Variants in SEPTIN14 observed in about 807,000 individuals in gnomAD.
SEPTIN14 encodes septin-14.
A neutral mutation model predicts 53.6 loss-of-function variants in SEPTIN14; 40 were observed. The ratio of observed to expected loss-of-function variants is 0.75; its 90% CI spans 0.58 to 0.97. The LOEUF (loss-of-function observed/expected upper bound fraction) is 0.97. Ranked by LOEUF, SEPTIN14 falls within the 50% of genes least tolerant of loss-of-function variation. The pLI, the probability that SEPTIN14 is intolerant of heterozygous loss-of-function variation, is 0.00. For missense variants in SEPTIN14, 471 were observed against 508.2 expected (o/e 0.93, Z 0.70); for synonymous variants, 138 against 166.8 (o/e 0.83, Z 1.33).
In SEPTIN14 at chr7:55,795,624, A is replaced by C. The variant is rs933870708; in HGVS notation, c.*289T>G. 2.9e-6 allele frequency: 1 copy of C among 347,022 alleles called. No individual in the cohort carries two copies. The highest frequency in any genetic ancestry group is 5.4e-6 in the Non-Finnish European group (1 of 185,868). 21.5% of individuals were successfully genotyped at this position (347,022 alleles called of 1,614,324 possible). A position where few individuals can be genotyped will look rare whatever the true frequency, so the allele number is the denominator to read the frequency against. ...CTGGGATTACAGGTACCGGCCACCA[A>C]ACCCAGCTAATTTTTGTATTTTTAG... On this transcript the variant is annotated 3_prime_UTR_variant, in exon 10 of 10. Coordinates refer to ENST00000388975, the MANE Select transcript of SEPTIN14 (RefSeq NM_207366.3).
At chr7:55,842,256 C>T (rs1789325523) in intron 5 of SEPTIN14, among the ~76,000 whole-genome samples, 1 of 152,022 alleles carries the variant, frequency 6.6e-6, no homozygotes, top group African/African-American at 2.4e-5. Context: ...TATGTAACTA[C>T]ACTTGCATGC....
chr7:55,829,229 A>G (rs993455769), intron 6 of SEPTIN14, among the ~76,000 whole-genome samples: 1 of 151,860 alleles, frequency 6.6e-6, no homozygotes, highest in African/African-American at 2.4e-5. Flanking sequence ...AATACAAAAA[A>G]TCAGCTGTGC....
At chr7:55,810,290 A>G (rs1201747187) in intron 7 of SEPTIN14, among the ~76,000 whole-genome samples, 1 of 151,148 alleles carries the variant, frequency 6.6e-6, no homozygotes. Flanking sequence ...TCCTTTGCCC[A>G]TTTTTCCTTG....
intron 6 of SEPTIN14, among the ~76,000 whole-genome samples, chr7:55,825,274 T>C (rs975384855): frequency 6.6e-6 from 1 of 152,118 alleles, no homozygotes; most frequent in African/African-American, 2.4e-5. Flanking sequence ...ATTCCAACTA[T>C]GTGATATTCC....
intron 4 of SEPTIN14, among the ~76,000 whole-genome samples, chr7:55,843,839 G>C (rs1789357305): frequency 6.6e-6 from 1 of 151,870 alleles, no homozygotes; most frequent in East Asian, 1.9e-4. Context: ...CTCAAAAAAA[G>C]ACAAAAAATA....
chr7:55,847,165 A>C (rs1789429523), intron 2 of SEPTIN14, among the ~76,000 whole-genome samples: 2 of 152,098 alleles, frequency 1.3e-5, no homozygotes, highest in South Asian at 4.1e-4. Context: ...GCAAGAGCAC[A>C]CCACTGCACT....
intron 2 of SEPTIN14, among the ~76,000 whole-genome samples, chr7:55,854,720 A>G (rs1328630317): frequency 2.0e-5 from 3 of 151,778 alleles, no homozygotes; most frequent in Non-Finnish European, 4.4e-5. Context: ...GAGCTACCAC[A>G]CCCGGCCTGT....
chr7:55,818,546 G>A (rs1788834729), intron 7 of SEPTIN14, among the ~76,000 whole-genome samples: 1 of 149,180 alleles, frequency 6.7e-6, no homozygotes, highest in Non-Finnish European at 1.5e-5. Flanking sequence ...ATAATTATAT[G>A]AACCACAAGT....
intron 6 of SEPTIN14, among the ~76,000 whole-genome samples, chr7:55,821,132 AG>A (rs1788886943): frequency 6.6e-6 from 1 of 152,122 alleles, no homozygotes; most frequent in African/African-American, 2.4e-5. Context: ...GTCCTTGGCA[AG>A]TCTATTTGAG....
At chr7:55,807,057 C>A (rs1209664587) in intron 8 of SEPTIN14, 33 bp downstream of exon 8, 1 of 1,493,958 alleles carries the variant, frequency 6.7e-7, no homozygotes, top group Non-Finnish European at 9.0e-7. Flanking sequence ...CCTAAATTAT[C>A]CATTTGGTTG....
chr7:55,850,125 G>A (rs1158931124), intron 2 of SEPTIN14, among the ~76,000 whole-genome samples: 1 of 152,164 alleles, frequency 6.6e-6, no homozygotes. Context: ...CAAAACAGAA[G>A]AGGGGGTAGT....
chr7:55,843,582 AC>A (rs1789352594), intron 4 of SEPTIN14, among the ~76,000 whole-genome samples: 1 of 152,136 alleles, frequency 6.6e-6, no homozygotes, highest in South Asian at 2.1e-4. Flanking sequence ...GCCTGTAATC[AC>A]AGCACTTTGG....
intron 2 of SEPTIN14, among the ~76,000 whole-genome samples, chr7:55,857,546 G>A (rs1279731658): frequency 1.1e-5 from 1 of 93,120 alleles, no homozygotes; most frequent in African/African-American, 4.7e-5. Flanking sequence ...AAGGAAGAGA[G>A]GAGGGGAGGG....
chr7:55,832,594 T>C (rs1789128724), intron 6 of SEPTIN14, among the ~76,000 whole-genome samples: 1 of 152,132 alleles, frequency 6.6e-6, no homozygotes, highest in Admixed American at 6.6e-5. Flanking sequence ...TCATGCTCTG[T>C]GCAGTAACAT....
chr7:55,854,604 T>G (rs1411911474), intron 2 of SEPTIN14, among the ~76,000 whole-genome samples: 1 of 152,020 alleles, frequency 6.6e-6, no homozygotes, highest in African/African-American at 2.4e-5. Context: ...TAATTTTTTG[T>G]ATTTTTAGTA....
In SEPTIN14 at chr7:55,844,521, A is replaced by C; in HGVS notation, c.371+2T>G. On this transcript the variant is annotated splice_donor_variant, in intron 4 of 9. Transcript: ENST00000388975. LOFTEE classifies it high-confidence loss of function. ...TTTTAATTTAAATAAGAAAACACTC[A>C]CCTGGCTTCTTTGTCTATTTGATCA... 2.1e-6 allele frequency: 3 copies of C among 1,446,110 alleles called. No homozygotes were observed. The highest frequency in any genetic ancestry group is 2.8e-6 in the Non-Finnish European group (3 of 1,079,866). The allele number at this position is 1,446,110 out of a possible 1,614,324, so 89.6% of individuals were successfully genotyped here. A position where few individuals can be genotyped will look rare whatever the true frequency, so the allele number is the denominator to read the frequency against.
chr7:55,835,129 T>G (rs1789181833), intron 5 of SEPTIN14, among the ~76,000 whole-genome samples: 2 of 152,292 alleles, frequency 1.3e-5, no homozygotes, highest in South Asian at 4.1e-4. Context: ...AAAAATCCCT[T>G]ATACCTCTAC....
Position 55,795,683 on chromosome 7 carries a change from GT to G in SEPTIN14, c.*229del. On this transcript the variant is annotated 3_prime_UTR_variant, in exon 10 of 10. Coordinates refer to ENST00000388975, the MANE Select transcript of SEPTIN14 (RefSeq NM_207366.3). ...GGGTTTCATCATTTTGGTCAGGCTG[GT>G]TTTGAACTCCTGACCTCAGGTGGTC... 1 of 499,216 alleles carries G rather than the reference GT, an allele frequency of 2.0e-6. No homozygotes were observed. Among genetic ancestry groups the G allele is most frequent in the Non-Finnish European group, 3.6e-6 (1 of 280,338 alleles). The allele number at this position is 499,216 out of a possible 1,614,324, so 30.9% of individuals were successfully genotyped here. A position where few individuals can be genotyped will look rare whatever the true frequency, so the allele number is the denominator to read the frequency against.
chr7:55,829,820 C>CAAAAAA lies in SEPTIN14; in HGVS notation c.720+4599_720+4604dup, dbSNP rs35998043. 1.2e-3 allele frequency among the ~76,000 whole-genome samples: 47 copies of CAAAAAA among 37,608 alleles called. 4 individuals carry two copies. Among genetic ancestry groups the CAAAAAA allele is most frequent in the Admixed American group, 2.9e-3 (6 of 2,092 alleles). The allele number at this position is 37,608 out of a possible 152,430, so 24.7% of individuals were successfully genotyped here. ...TGGGTGACAGAACGAGACTCCATCT[C>CAAAAAA]AAAAAAAAAAAAAAAAAAAAAAAAG... is the stretch of plus-strand genomic sequence containing the variant. On this transcript the variant is annotated intron_variant, in intron 6 of 9. Transcript: ENST00000388975.
Sources: gnomAD v4.1 joint callset for allele counts (sites outside exome capture counted in the v4.1 genomes callset) on GRCh38, gnomAD v4.1.1 for gene constraint, MANE v1.5 for transcripts, NCBI Gene and HGNC (gene_info 2026-07-23, HGNC 2026-07-21) for gene names.